ZC3H3: variants seen among roughly 807,000 people sequenced by gnomAD.
The protein encoded by ZC3H3 is zinc finger CCCH-type containing 3.
A neutral mutation model predicts 77.3 loss-of-function variants in ZC3H3; 36 were observed. The ratio of observed to expected loss-of-function variants is 0.47; its 90% CI spans 0.36 to 0.61. ZC3H3 has a LOEUF of 0.61. ZC3H3 is among the 20% of genes least tolerant of loss of function. ZC3H3 has a pLI of 0.00. For synonymous variants in ZC3H3, 626 were observed against 555.2 expected (o/e 1.13, Z -1.79); for missense variants, 1,331 against 1,312.2 (o/e 1.01, Z -0.22).
intron 3 of ZC3H3, among the ~76,000 whole-genome samples, chr8:143,528,352 C>T (rs1822487756): frequency 6.6e-6 from 1 of 152,236 alleles, no homozygotes. Flanking sequence ...CCAGCGGCCA[C>T]GCCTCGGCCA....
chr8:143,525,913 C>T (rs941273691), intron 3 of ZC3H3, among the ~76,000 whole-genome samples: 21 of 152,380 alleles, frequency 1.4e-4, no homozygotes, highest in Admixed American at 7.8e-4. Context: ...ACGCCTGCCA[C>T]ACAACCCCAA....
chr8:143,463,874 G>GC (rs1360296473), intron 9 of ZC3H3, among the ~76,000 whole-genome samples: 1 of 152,234 alleles, frequency 6.6e-6, no homozygotes, highest in Admixed American at 6.5e-5. Context: ...CACAGCCGTG[G>GC]CCCCCCAAAA....
intron 4 of ZC3H3, among the ~76,000 whole-genome samples, chr8:143,483,622 T>A (rs2129939354): frequency 6.6e-6 from 1 of 152,174 alleles, no homozygotes; most frequent in East Asian, 1.9e-4. Flanking sequence ...GCCCCCACGA[T>A]CTCAGGGGCA....
chr8:143,478,726 T>C (rs1236158440), intron 4 of ZC3H3, among the ~76,000 whole-genome samples: 1 of 152,188 alleles, frequency 6.6e-6, no homozygotes, highest in African/African-American at 2.4e-5. Context: ...GCCAAGCTGG[T>C]CTCGAACTCC....
intron 9 of ZC3H3, among the ~76,000 whole-genome samples, chr8:143,456,033 A>G (rs1047044077): frequency 4.6e-5 from 7 of 150,718 alleles, no homozygotes; most frequent in African/African-American, 1.5e-4. Flanking sequence ...TTGTGGGTGG[A>G]AGATAATAGA....
At chr8:143,484,691 C>T (rs537034320) in intron 4 of ZC3H3, 5 of 238,484 alleles carry the variant, frequency 2.1e-5, no homozygotes, top group African/African-American at 1.1e-4. Context: ...CCTGTGCCAC[C>T]CTTTGGGCTG....
chr8:143,480,094 AGTGGGGGCCGG>A (rs1554641568), intron 4 of ZC3H3, among the ~76,000 whole-genome samples: 1 of 152,180 alleles, frequency 6.6e-6, no homozygotes, highest in Non-Finnish European at 1.5e-5. Flanking sequence ...AGGTAGCAAC[AGTGGGGGCCGG>A]GCGGACCTCT....
chr8:143,541,047 G>C (rs1369019892), intron 1 of ZC3H3, among the ~76,000 whole-genome samples: 1 of 152,248 alleles, frequency 6.6e-6, no homozygotes, highest in Admixed American at 6.5e-5. Flanking sequence ...CCCGCAGTGG[G>C]GCGCGGGGAG....
intron 3 of ZC3H3, among the ~76,000 whole-genome samples, chr8:143,512,244 G>A (rs1382459931): frequency 1.3e-5 from 2 of 152,206 alleles, no homozygotes; most frequent in African/African-American, 2.4e-5. Flanking sequence ...AGGGCATTCC[G>A]GCCAGTCAGG....
At chr8:143,512,641 G>A (rs1206427671) in intron 3 of ZC3H3, among the ~76,000 whole-genome samples, 7 of 152,186 alleles carry the variant, frequency 4.6e-5, no homozygotes, top group Non-Finnish European at 7.3e-5. Context: ...CCAGAAACCT[G>A]AGTTCACCCG....
At chr8:143,527,895 C>T (rs1822470313) in intron 3 of ZC3H3, among the ~76,000 whole-genome samples, 2 of 152,232 alleles carry the variant, frequency 1.3e-5, no homozygotes, top group Admixed American at 1.3e-4. Flanking sequence ...GGGCACCGAG[C>T]ACCAGCAAGG....
At chr8:143,486,557 C>T (rs1356981878) in intron 4 of ZC3H3, among the ~76,000 whole-genome samples, 4 of 152,230 alleles carry the variant, frequency 2.6e-5, no homozygotes, top group Admixed American at 6.5e-5. Flanking sequence ...AACGTAGTCA[C>T]ATTGGGGGTT....
At chr8:143,492,559 C>T (rs1040753282) in intron 4 of ZC3H3, among the ~76,000 whole-genome samples, 2 of 152,352 alleles carry the variant, frequency 1.3e-5, no homozygotes, top group East Asian at 3.9e-4. Context: ...CAGCTTGATG[C>T]TCAGCTCCCC....
chr8:143,507,785 G>A lies in ZC3H3; in HGVS notation c.1676C>T (p.Ser559Phe). ...SPLSAPPFPL[S>F]LPSWRARRLS... ...CCGCCGGGCCCGCCAGGAGGGCAGA[G>A]ACAGGGGGAAGGGCGGGGCGCTGAG... Residue 559 changes from serine to phenylalanine, a missense_variant, in exon 4 of 12, where the codon TCT becomes TTT. Around this residue, in one of 3 missense-constraint regions of ZC3H3, gnomAD observed 978 missense variants for 915.5 expected, o/e 1.07. Transcript: ENST00000262577. 1 of 1,601,562 alleles carries A rather than the reference G, an allele frequency of 6.2e-7. No homozygotes were observed. Among genetic ancestry groups the A allele is most frequent in the East Asian group, 2.2e-5 (1 of 44,606 alleles).
chr8:143,457,027 C>G (rs1319344251), intron 9 of ZC3H3, among the ~76,000 whole-genome samples: 1 of 152,208 alleles, frequency 6.6e-6, no homozygotes, highest in Non-Finnish European at 1.5e-5. Flanking sequence ...GCACCTCTCT[C>G]AACAACTGAA....
chr8:143,538,198 G>A lies in ZC3H3; in HGVS notation c.1169C>T (p.Ser390Phe), dbSNP rs780561068. 3.1e-6 allele frequency: 5 copies of A among 1,612,846 alleles called. No homozygotes were observed. Among genetic ancestry groups the A allele is most frequent in the South Asian group, 1.1e-5 (1 of 91,092 alleles). The change falls in exon 2 of 12, where the codon TCC becomes TTC. Residue 390 changes from serine (S) to phenylalanine (F), a missense_variant. By Grantham distance (155) the Ser-to-Phe change is radical. This residue lies in a region of ZC3H3 where 978 missense variants were observed against 915.5 expected (regional missense o/e 1.07). Coordinates refer to ENST00000262577, the MANE Select transcript of ZC3H3 (RefSeq NM_015117.3). ...KASSPSASSS[S>F]SFRWQSEASS... Reference sequence around the variant, plus strand: ...GGCCTCCGACTGCCAACGGAAGGAGGAAGAGGAGGAGGCAGAGGGGCTGGA... The same window carrying A: ...GGCCTCCGACTGCCAACGGAAGGAGAAAGAGGAGGAGGCAGAGGGGCTGGA...
In ZC3H3 at chr8:143,493,394, C is replaced by A. The variant is rs1027983525; in HGVS notation, c.1715+14352G>T. On this transcript the variant is annotated intron_variant, in intron 4 of 11. Transcript: ENST00000262577. This position sits in a 1 kb window ranked among gnomAD's most constrained non-coding sequence, Gnocchi z 4.8. ...GGTGTGGATGCGGGCTAGCTCAGGCCCTGGCAAGACTGGCTTCTCCTCCCT... is the reference window on the plus strand; with the variant it reads ...GGTGTGGATGCGGGCTAGCTCAGGCACTGGCAAGACTGGCTTCTCCTCCCT... Among the ~76,000 whole-genome samples the A allele has an allele frequency of 2.0e-5, 3 of 152,210 alleles. No homozygotes were observed. Among genetic ancestry groups the A allele is most frequent in the Non-Finnish European group, 4.4e-5 (3 of 68,028 alleles).
intron 9 of ZC3H3, among the ~76,000 whole-genome samples, chr8:143,442,932 C>T (rs1056989695): frequency 6.6e-5 from 10 of 152,238 alleles, no homozygotes; most frequent in African/African-American, 1.9e-4. Flanking sequence ...TGGACAGCGC[C>T]GATGAGAACC....
chr8:143,541,396 C>A lies in ZC3H3; in HGVS notation c.26G>T (p.Arg9Leu). 1 of 1,611,964 alleles carries A rather than the reference C, an allele frequency of 6.2e-7. No individual in the cohort carries two copies. Among genetic ancestry groups the A allele is most frequent in the Non-Finnish European group, 8.5e-7 (1 of 1,179,496 alleles). ...CCTACCCTGCAGTAGGCGGATCTGC[C>A]GCCGTAATATCTCCTTTTCCTCCAT... MEEKEILRRQIRLLQGLID... is the reference protein window; with the variant it reads MEEKEILRLQIRLLQGLID... Residue 9 changes from arginine to leucine, a missense_variant, in exon 1 of 12, where the codon CGG becomes CTG. Around this residue, in one of 3 missense-constraint regions of ZC3H3, gnomAD observed 978 missense variants for 915.5 expected, o/e 1.07. Transcript: ENST00000262577.
Sources: allele counts gnomAD v4.1 joint callset (sites outside exome capture counted in the v4.1 genomes callset), GRCh38; gene constraint gnomAD v4.1.1; regional missense constraint gnomAD v4.1.1; non-coding constraint Gnocchi (gnomAD v3.1); transcripts MANE v1.5; gene names NCBI Gene and HGNC (gene_info 2026-07-23, HGNC 2026-07-21).